Variants in DLC1 observed in about 807,000 individuals in gnomAD.
The protein encoded by DLC1 is rho GTPase-activating protein 7.
Under a neutral mutation model 140.3 loss-of-function variants are expected in DLC1, and 54 were observed. The ratio of observed to expected loss-of-function variants is 0.38; its 90% CI spans 0.31 to 0.48. DLC1 has a LOEUF of 0.48. Among genes scored for constraint, DLC1 ranks in the 20% least tolerant of loss-of-function variants. The pLI is 0.96. For synonymous variants in DLC1, 986 were observed against 728.1 expected (o/e 1.35, Z -5.70); for missense variants, 2,536 against 1,907.0 (o/e 1.33, Z -6.14).
At chr8:13,196,575 A>G (rs375854494) in intron 5 of DLC1, among the ~76,000 whole-genome samples, 1 of 152,172 alleles carries the variant, frequency 6.6e-6, no homozygotes, top group Non-Finnish European at 1.5e-5. Flanking sequence ...CTGTGGTTCT[A>G]TGATTCTTAA....
chr8:13,516,218 A>G (rs1378950874), upstream of DLC1, among the ~76,000 whole-genome samples: 3 of 152,188 alleles, frequency 2.0e-5, no homozygotes, highest in Non-Finnish European at 4.4e-5. Context: ...GCTTCTTGCA[A>G]ATTTCTAGAA....
At chr8:13,343,432 G>A (rs1652744750) in intron 4 of DLC1, among the ~76,000 whole-genome samples, 1 of 152,144 alleles carries the variant, frequency 6.6e-6, no homozygotes, top group Non-Finnish European at 1.5e-5. Flanking sequence ...AAAATTACAT[G>A]TCTCTTTACA....
chr8:13,413,577 C>G (rs1181142969), intron 2 of DLC1, among the ~76,000 whole-genome samples: 1 of 151,862 alleles, frequency 6.6e-6, no homozygotes, highest in Non-Finnish European at 1.5e-5. Context: ...GTGCCCCACC[C>G]AAATCTCATC....
chr8:13,568,324 A>G (rs753239455), intron 1 of DLC1: 56 of 185,840 alleles, frequency 3.0e-4, no homozygotes, highest in Middle Eastern at 3.0e-3. Flanking sequence ...ATGAATGATC[A>G]TTAATTTCAT....
chr8:13,512,185 T>C (rs890562313), intron 1 of DLC1, among the ~76,000 whole-genome samples: 1 of 152,160 alleles, frequency 6.6e-6, no homozygotes, highest in Non-Finnish European at 1.5e-5. Flanking sequence ...TGTTGAATAG[T>C]GTCTCTTTTA....
At chr8:13,186,844 G>A (rs1182121844) in intron 5 of DLC1, among the ~76,000 whole-genome samples, 1 of 152,208 alleles carries the variant, frequency 6.6e-6, no homozygotes, top group Admixed American at 6.5e-5. Flanking sequence ...TGATGTAGAT[G>A]AACTTTTTGT....
chr8:13,175,950 A>T (rs1035209943), intron 5 of DLC1, among the ~76,000 whole-genome samples: 2 of 152,128 alleles, frequency 1.3e-5, no homozygotes, highest in Non-Finnish European at 1.5e-5. Context: ...ACAGAATGTT[A>T]TATAAACAGA....
At chr8:13,508,789 C>G (rs912367549) in intron 1 of DLC1, among the ~76,000 whole-genome samples, 1 of 152,002 alleles carries the variant, frequency 6.6e-6, no homozygotes, top group African/African-American at 2.4e-5. Context: ...AGTATGCAAT[C>G]TTCTTAATAG....
chr8:13,384,568 A>G (rs1188480606), intron 4 of DLC1, among the ~76,000 whole-genome samples: 3 of 121,860 alleles, frequency 2.5e-5, no homozygotes, highest in African/African-American at 8.7e-5. Context: ...TCTTCTAAAA[A>G]ATCATTTAAT....
At chr8:13,094,526 C>T (rs558709738) in intron 12 of DLC1, among the ~76,000 whole-genome samples, 2 of 152,208 alleles carry the variant, frequency 1.3e-5, no homozygotes, top group South Asian at 2.1e-4. Context: ...ATTAGCCAGA[C>T]GTGGTGGCGC....
At chr8:13,228,669 C>G (rs1441428033) in intron 5 of DLC1, among the ~76,000 whole-genome samples, 1 of 152,176 alleles carries the variant, frequency 6.6e-6, no homozygotes, top group Non-Finnish European at 1.5e-5. Context: ...AAGATTGCTT[C>G]AGCCCAGGAG....
intron 4 of DLC1, chr8:13,341,397 C>A (rs573619958): frequency 6.6e-6 from 1 of 152,142 alleles, no homozygotes; most frequent in Non-Finnish European, 1.5e-5. Flanking sequence ...CTCCAGCGTG[C>A]GTCAGAATCA....
intron 4 of DLC1, among the ~76,000 whole-genome samples, chr8:13,378,540 A>C (rs2117148858): frequency 6.6e-6 from 1 of 152,252 alleles, no homozygotes; most frequent in East Asian, 1.9e-4. Flanking sequence ...AAACCTGAAA[A>C]GATTCTTCTA....
intron 2 of DLC1, among the ~76,000 whole-genome samples, chr8:13,486,602 C>G (rs147347493): frequency 6.6e-6 from 1 of 151,982 alleles, no homozygotes; most frequent in Non-Finnish European, 1.5e-5. Flanking sequence ...TTGTCAATAC[C>G]CACACATTTT....
At chr8:13,303,989 A>G (rs1457444512) in intron 5 of DLC1, among the ~76,000 whole-genome samples, 1 of 151,950 alleles carries the variant, frequency 6.6e-6, no homozygotes, top group Non-Finnish European at 1.5e-5. Flanking sequence ...AACAACTCAC[A>G]TCCTCATTTT....
At position 13,499,160 on chromosome 8, in the gene DLC1, G is replaced by A. The variant is rs1437594422; in HGVS notation, c.912C>T (p.Asn304=). 1.2e-6 allele frequency: 2 copies of A among 1,614,128 alleles called. No individual in the cohort carries two copies. Among genetic ancestry groups the A allele is most frequent in the Non-Finnish European group, 1.7e-6 (2 of 1,179,992 alleles). ...LEKSGFSQHQ[N]KSPPKVKAED... ...CTGCCTTGACCTTTGGTGGACTTTT[G>A]TTTTGATGTTGTGAAAAACCACTCT... The change falls in exon 2 of 18, where the codon AAC becomes AAT. Residue 304 remains asparagine (N), a synonymous_variant. Coordinates refer to ENST00000276297, the MANE Select transcript of DLC1 (RefSeq NM_182643.3).
chr8:13,226,080 T>A (rs535734402), intron 5 of DLC1, among the ~76,000 whole-genome samples: 4 of 152,194 alleles, frequency 2.6e-5, no homozygotes, highest in Admixed American at 2.6e-4. Context: ...ACTTGGCTAC[T>A]TTTTTTGATT....
chr8:13,210,280 C>G (rs1309189142), intron 5 of DLC1, among the ~76,000 whole-genome samples: 1 of 152,160 alleles, frequency 6.6e-6, no homozygotes, highest in Non-Finnish European at 1.5e-5. Context: ...CCTCCGCTCT[C>G]AATTCTGGGT....
chr8:13,146,884 T>C (rs553481226), intron 5 of DLC1, among the ~76,000 whole-genome samples: 29 of 152,308 alleles, frequency 1.9e-4, no homozygotes, highest in African/African-American at 6.7e-4. Context: ...TTCTAAATAA[T>C]GCTTTGACAT....
Sources: gnomAD v4.1 joint callset for allele counts (sites outside exome capture counted in the v4.1 genomes callset) on GRCh38, gnomAD v4.1.1 for gene constraint, MANE v1.5 for transcripts, NCBI Gene and HGNC (gene_info 2026-07-23, HGNC 2026-07-21) for gene names.